The following SRPK1 variants were observed in gnomAD, a reference collection of about 807,000 sequenced individuals.
SRPK1 encodes the protein SFRS protein kinase 1.
SRPK1 carries 52 observed loss-of-function variants against 89.5 expected under a neutral mutation model. The ratio of observed to expected loss-of-function variants is 0.58; its 90% CI spans 0.46 to 0.73. SRPK1 has a LOEUF of 0.73. Among genes scored for constraint, SRPK1 ranks in the 30% least tolerant of loss-of-function variants. SRPK1 has a pLI of 0.00. For missense variants in SRPK1, 603 were observed against 780.6 expected (o/e 0.77, Z 2.71); for synonymous variants, 255 against 270.2 (o/e 0.94, Z 0.55).
intron 2 of SRPK1, among the ~76,000 whole-genome samples, chr6:35,917,545 T>C (rs895454975): frequency 2.0e-5 from 3 of 152,142 alleles, no homozygotes; most frequent in African/African-American, 7.2e-5. Flanking sequence ...AAATTTAAAA[T>C]CCCAAAGTCA....
chr6:35,886,603 A>C, intron 6 of SRPK1, 121 bp downstream of exon 6: 8 of 688,606 alleles, frequency 1.2e-5, no homozygotes, highest in South Asian at 1.1e-4. Flanking sequence ...GTGTACAATA[A>C]AAGAGGTAAT....
intron 12 of SRPK1, among the ~76,000 whole-genome samples, chr6:35,867,812 G>A (rs746834423): frequency 2.0e-4 from 30 of 152,144 alleles, no homozygotes; most frequent in Admixed American, 3.3e-4. Context: ...GCAAGACTCC[G>A]TCTCAAACAA....
intron 6 of SRPK1, among the ~76,000 whole-genome samples, chr6:35,879,371 A>G (rs1333558726): frequency 6.6e-6 from 1 of 151,494 alleles, no homozygotes; most frequent in African/African-American, 2.4e-5. Context: ...ACATAGCAAG[A>G]CCCCATCTCC....
At chr6:35,904,960 AG>A (rs1770819474) in intron 2 of SRPK1, 1 of 445,816 alleles carries the variant, frequency 2.2e-6, no homozygotes, top group South Asian at 1.6e-5. Context: ...TGGTTAGTAC[AG>A]CAAGACTCCA....
rs531051621 is a variant in SRPK1, at chr6:35,894,526, A to G, written c.75-3513T>C. Among the ~76,000 whole-genome samples the G allele has an allele frequency of 4.6e-5, 7 of 152,280 alleles. No homozygotes were observed. In the East Asian group the frequency reaches 1.3e-3, roughly 29 times the overall value. ...AAACTTATGAAAATAGAAGAGATAAAATTATTAAAGAAATTCAAGAAATTT... is the reference window on the plus strand; with the variant it reads ...AAACTTATGAAAATAGAAGAGATAAGATTATTAAAGAAATTCAAGAAATTT... On this transcript the variant is annotated intron_variant, in intron 2 of 15. Transcript: ENST00000373825.
chr6:35,849,938 G>A (rs868164746), intron 13 of SRPK1, among the ~76,000 whole-genome samples: 47 of 152,234 alleles, frequency 3.1e-4, no homozygotes, highest in African/African-American at 1.1e-3. Flanking sequence ...AAAACAATAT[G>A]AAGTGAAATA....
Position 35,886,831 on chromosome 6 carries a change from G to A in SRPK1, c.391-20C>T. 2 of 1,421,794 alleles carry A rather than the reference G, an allele frequency of 1.4e-6. No individual in the cohort carries two copies. The highest frequency in any genetic ancestry group is 4.6e-5 in the East Asian group (2 of 43,890). The allele number at this position is 1,421,794 out of a possible 1,614,324, so 88.1% of individuals were successfully genotyped here. Reference sequence around the variant, plus strand: ...GCGAACCTGTAGTGGGGAAGAGACAGTGTTTAGCACAAGGTAAAGCATGGA... The same window carrying A: ...GCGAACCTGTAGTGGGGAAGAGACAATGTTTAGCACAAGGTAAAGCATGGA... On this transcript the variant is annotated intron_variant, in intron 5 of 15. Transcript: ENST00000373825.
intron 13 of SRPK1, among the ~76,000 whole-genome samples, chr6:35,849,703 A>G (rs1581993458): frequency 6.6e-6 from 1 of 152,356 alleles, no homozygotes; most frequent in East Asian, 1.9e-4. Context: ...CGCAAAGGAA[A>G]TGCTCATTTG....
chr6:35,882,520 G>A (rs995184616), intron 6 of SRPK1, among the ~76,000 whole-genome samples: 2 of 151,882 alleles, frequency 1.3e-5, no homozygotes, highest in African/African-American at 4.8e-5. Flanking sequence ...GTCTTGCTAT[G>A]TTACCCAGGC....
At chr6:35,849,203 A>G (rs1253409148) in intron 13 of SRPK1, among the ~76,000 whole-genome samples, 1 of 152,236 alleles carries the variant, frequency 6.6e-6, no homozygotes, top group Admixed American at 6.5e-5. Flanking sequence ...TCTGAAAAGA[A>G]GACACACAAA....
intron 2 of SRPK1, among the ~76,000 whole-genome samples, chr6:35,894,219 C>A (rs146622321): frequency 1.7e-3 from 255 of 152,136 alleles, no homozygotes; most frequent in Admixed American, 3.5e-3. Flanking sequence ...GGAGAAAGAC[C>A]AAACTTAAAA....
intron 6 of SRPK1, among the ~76,000 whole-genome samples, chr6:35,882,252 C>T (rs1770313268): frequency 6.9e-6 from 1 of 145,324 alleles, no homozygotes; most frequent in Admixed American, 7.0e-5. Flanking sequence ...AAACTTGTGA[C>T]TAAGAAACTG....
At chr6:35,914,083 C>A (rs1026845557) in intron 2 of SRPK1, among the ~76,000 whole-genome samples, 3 of 145,404 alleles carry the variant, frequency 2.1e-5, no homozygotes, top group Non-Finnish European at 4.5e-5. Flanking sequence ...TCAAGCAATT[C>A]TCCTGCCTCA....
intron 12 of SRPK1, among the ~76,000 whole-genome samples, chr6:35,857,701 CAAG>C (rs1769694519): frequency 6.6e-6 from 1 of 152,212 alleles, no homozygotes; most frequent in South Asian, 2.1e-4. Flanking sequence ...CTCCTGGGCT[CAAG>C]TGATCCACCC....
At chr6:35,915,971 C>CAAAA (rs35912769) in intron 2 of SRPK1, among the ~76,000 whole-genome samples, 814 of 51,214 alleles carry the variant, frequency 0.016, 113 homozygotes, top group African/African-American at 0.087. Context: ...GACTCTGTCT[C>CAAAA]AAAAACAAAA....
intron 13 of SRPK1, among the ~76,000 whole-genome samples, chr6:35,846,465 G>A (rs1242159924): frequency 6.6e-6 from 1 of 151,138 alleles, no homozygotes; most frequent in Non-Finnish European, 1.5e-5. Flanking sequence ...GGTGGCACAT[G>A]CCTGTGGTCC....
intron 6 of SRPK1, among the ~76,000 whole-genome samples, chr6:35,874,876 C>T (rs996420326): frequency 1.3e-5 from 2 of 152,114 alleles, no homozygotes; most frequent in African/African-American, 2.4e-5. Flanking sequence ...CTGTATTTTA[C>T]AAAACTAATC....
At chr6:35,870,003 AG>A in intron 10 of SRPK1, 102 bp from the exon 11 acceptor site, 2 of 1,315,386 alleles carry the variant, frequency 1.5e-6, no homozygotes, top group Non-Finnish European at 2.1e-6. Flanking sequence ...ACTTATACTG[AG>A]TGACATAAAA....
At chr6:35,837,148 A>T (rs1294519817) in intron 15 of SRPK1, among the ~76,000 whole-genome samples, 1 of 152,222 alleles carries the variant, frequency 6.6e-6, no homozygotes, top group Non-Finnish European at 1.5e-5. Flanking sequence ...CAAGTCAAAA[A>T]TTGGAAGTTT....
Sources: gnomAD v4.1 joint callset for allele counts (sites outside exome capture counted in the v4.1 genomes callset) on GRCh38, gnomAD v4.1.1 for gene constraint, MANE v1.5 for transcripts, NCBI Gene and HGNC (gene_info 2026-07-23, HGNC 2026-07-21) for gene names.